ERBB4: variants seen among roughly 807,000 people sequenced by gnomAD.
ERBB4 encodes the protein erb-b2 receptor tyrosine kinase 4, also known as receptor tyrosine-protein kinase erbB-4.
Under a neutral mutation model 158.0 loss-of-function variants are expected in ERBB4, and 42 were observed. The ratio of observed to expected loss-of-function variants is 0.27; its 90% CI spans 0.21 to 0.34. The LOEUF (loss-of-function observed/expected upper bound fraction) is 0.34. Ranked by LOEUF, ERBB4 falls within the 10% of genes least tolerant of loss-of-function variation. The pLI is 1.00. For missense variants in ERBB4, 1,333 were observed against 1,624.1 expected, an observed-to-expected ratio of 0.82 and a Z score of 3.08; for synonymous variants, 583 against 558.7, an observed-to-expected ratio of 1.04 and a Z score of -0.61.
chr2:212,217,545 A>G (rs554360780), intron 1 of ERBB4, among the ~76,000 whole-genome samples: 29 of 151,358 alleles, frequency 1.9e-4, no homozygotes, highest in Admixed American at 1.5e-3. Flanking sequence ...TCTAGAGGGT[A>G]GCCAGGGTAA....
chr2:212,010,010 A>G (rs939102436), intron 2 of ERBB4, among the ~76,000 whole-genome samples: 3 of 152,198 alleles, frequency 2.0e-5, no homozygotes, highest in African/African-American at 7.2e-5. Flanking sequence ...TAAAATCCTC[A>G]ATCAATTCTT....
intron 14 of ERBB4, among the ~76,000 whole-genome samples, chr2:211,670,490 A>G (rs1024180526): frequency 6.6e-6 from 1 of 152,188 alleles, no homozygotes; most frequent in South Asian, 2.1e-4. Context: ...AACTGCAAAA[A>G]CCCACAAATT....
chr2:212,308,095 AT>A (rs1289849839), intron 1 of ERBB4, among the ~76,000 whole-genome samples: 1 of 151,098 alleles, frequency 6.6e-6, no homozygotes, highest in African/African-American at 2.4e-5. Context: ...ACAGAGCTGA[AT>A]GAGCTCAGAT....
chr2:211,918,704 A>G (rs2079770871), intron 3 of ERBB4, among the ~76,000 whole-genome samples: 1 of 152,106 alleles, frequency 6.6e-6, no homozygotes, highest in Non-Finnish European at 1.5e-5. Context: ...TGTGAAATAG[A>G]TATGTCTGTC....
rs2063682295 is a variant in ERBB4 at position 211,428,482 on chromosome 2, A to G, written c.2645T>C (p.Met882Thr). 2.0e-6 allele frequency: 3 copies of G among 1,518,724 alleles called. No homozygotes were observed. The highest frequency in any genetic ancestry group is 2.7e-6 in the Non-Finnish European group (3 of 1,094,314). The allele number at this position is 1,518,724 out of a possible 1,614,324, so 94.1% of individuals were successfully genotyped here. A position where few individuals can be genotyped will look rare whatever the true frequency, so the allele number is the denominator to read the frequency against. Residue 882 changes from methionine to threonine, a missense_variant and splice_region_variant, in exon 22 of 28, where the codon ATG becomes ACG. Met to Thr is a moderately conservative substitution (Grantham distance 81). Around this residue, in one of 5 missense-constraint regions of ERBB4, gnomAD observed 314 missense variants for 437.6 expected, o/e 0.72. Coordinates refer to ENST00000342788, the MANE Select transcript of ERBB4 (RefSeq NM_005235.3). ...CTCCAGAGCCATCCATTTAATTGGC[A>G]TCTATAGAGAAGTAAGAAGTAAAAG... The part of the protein sequence containing the change: ...EKEYNADGGK[M>T]PIKWMALECI...
At chr2:212,184,726 A>C (rs2081968021) in intron 1 of ERBB4, among the ~76,000 whole-genome samples, 1 of 152,220 alleles carries the variant, frequency 6.6e-6, no homozygotes, top group Non-Finnish European at 1.5e-5. Context: ...GGAAATAATA[A>C]TAAAAATGTA....
At chr2:211,721,832 T>C (rs2106120210) in intron 7 of ERBB4, among the ~76,000 whole-genome samples, 1 of 152,162 alleles carries the variant, frequency 6.6e-6, no homozygotes, top group South Asian at 2.1e-4. Flanking sequence ...GCAAAAATAC[T>C]GTGGTATAGT....
intron 3 of ERBB4, among the ~76,000 whole-genome samples, chr2:211,929,613 T>C (rs1282801485): frequency 1.3e-5 from 2 of 152,156 alleles, no homozygotes; most frequent in East Asian, 1.9e-4. Flanking sequence ...ATTCTGTCTA[T>C]TGAGTTCCAT....
intron 1 of ERBB4, among the ~76,000 whole-genome samples, chr2:212,240,937 A>G (rs150568567): frequency 1.2e-3 from 182 of 152,308 alleles, no homozygotes; most frequent in African/African-American, 4.2e-3. Flanking sequence ...AGTAATGGAT[A>G]AGGAAATAAA....
At chr2:211,519,984 A>C (rs193086662) in intron 20 of ERBB4, among the ~76,000 whole-genome samples, 3 of 152,286 alleles carry the variant, frequency 2.0e-5, no homozygotes, top group African/African-American at 7.2e-5. Context: ...TATCAGTGAT[A>C]CCTCTTCCAT....
At chr2:212,405,085 C>A (rs1273565597) in intron 1 of ERBB4, among the ~76,000 whole-genome samples, 1 of 151,870 alleles carries the variant, frequency 6.6e-6, no homozygotes, top group Non-Finnish European at 1.5e-5. Context: ...CATGTCTTTG[C>A]AAAGTATGCA....
chr2:211,910,151 T>C (rs1466137198), intron 3 of ERBB4, among the ~76,000 whole-genome samples: 1 of 151,302 alleles, frequency 6.6e-6, no homozygotes, highest in Non-Finnish European at 1.5e-5. Flanking sequence ...AACTGACCTC[T>C]GGTGATCCAC....
At chr2:211,414,330 C>G (rs946183420) in intron 25 of ERBB4, among the ~76,000 whole-genome samples, 2 of 151,766 alleles carry the variant, frequency 1.3e-5, no homozygotes, top group Non-Finnish European at 2.9e-5. Context: ...AACCCTGTCT[C>G]TACTAAAAAT....
At chr2:211,912,820 G>C (rs1484809190) in intron 3 of ERBB4, among the ~76,000 whole-genome samples, 1 of 152,138 alleles carries the variant, frequency 6.6e-6, no homozygotes, top group Non-Finnish European at 1.5e-5. Flanking sequence ...TTAACTGATA[G>C]CCTGACACTT....
chr2:211,792,520 C>A (rs939106787), intron 3 of ERBB4, among the ~76,000 whole-genome samples: 2 of 151,742 alleles, frequency 1.3e-5, no homozygotes, highest in African/African-American at 4.8e-5. Flanking sequence ...TACTCCCTAA[C>A]CTATTTTGTA....
At chr2:211,483,204 A>G (rs965926754) in intron 20 of ERBB4, among the ~76,000 whole-genome samples, 1 of 152,174 alleles carries the variant, frequency 6.6e-6, no homozygotes, top group African/African-American at 2.4e-5. Context: ...ATACGTGTCA[A>G]TTGATGGACA....
At chr2:211,467,982 A>G (rs894907305) in intron 20 of ERBB4, among the ~76,000 whole-genome samples, 1 of 152,172 alleles carries the variant, frequency 6.6e-6, no homozygotes, top group African/African-American at 2.4e-5. Flanking sequence ...TCTACACCCA[A>G]ATTTAAAGTG....
At chr2:211,738,361 G>GTTTTGTTTTTTTT (rs1559473744) in intron 5 of ERBB4, among the ~76,000 whole-genome samples, 6 of 135,432 alleles carry the variant, frequency 4.4e-5, no homozygotes, top group South Asian at 2.2e-4. Flanking sequence ...CTTTGTTTTT[G>GTTTTGTTTTTTTT]TTTTTTTTTT....
At chr2:211,914,794 A>C (rs910381511) in intron 3 of ERBB4, among the ~76,000 whole-genome samples, 1 of 152,172 alleles carries the variant, frequency 6.6e-6, no homozygotes. Flanking sequence ...CCTAACATTT[A>C]AATGTTTCAC....
Sources: gnomAD v4.1 joint callset for allele counts (sites outside exome capture counted in the v4.1 genomes callset) on GRCh38, gnomAD v4.1.1 for gene constraint, gnomAD v4.1.1 regional missense constraint, MANE v1.5 for transcripts, NCBI Gene and HGNC (gene_info 2026-07-23, HGNC 2026-07-21) for gene names.